MAPK9: variants seen among roughly 807,000 people sequenced by gnomAD.
MAPK9 encodes the protein Jun kinase.
Under a neutral mutation model 57.1 loss-of-function variants are expected in MAPK9, and 30 were observed. The observed-to-expected ratio is 0.53, with a 90% CI of 0.39 to 0.71. The LOEUF (loss-of-function observed/expected upper bound fraction) is 0.71. MAPK9 is among the 30% of genes least tolerant of loss of function. MAPK9 has a pLI of 0.00. For missense variants in MAPK9, 362 were observed against 521.0 expected (o/e 0.69, Z 2.97); for synonymous variants, 155 against 177.0 (o/e 0.88, Z 0.99).
At chr5:180,267,690 C>A (rs72823780) in intron 3 of MAPK9, among the ~76,000 whole-genome samples, 2 of 151,852 alleles carry the variant, frequency 1.3e-5, no homozygotes, top group African/African-American at 4.8e-5. Flanking sequence ...GGTGGTAAGA[C>A]CCCACCTCTA....
intron 5 of MAPK9, among the ~76,000 whole-genome samples, chr5:180,252,096 G>C (rs1342880112): frequency 6.6e-6 from 1 of 152,162 alleles, no homozygotes; most frequent in Non-Finnish European, 1.5e-5. Flanking sequence ...GTGGGGTCAG[G>C]GGTCAGGGGT....
chr5:180,271,039 G>C (rs1761255872), intron 2 of MAPK9, among the ~76,000 whole-genome samples: 1 of 148,774 alleles, frequency 6.7e-6, no homozygotes, highest in Non-Finnish European at 1.5e-5. Context: ...AAATTGATGA[G>C]AGTAGATTTG....
chr5:180,241,283 T>A, intron 8 of MAPK9, 128 bp from the exon 9 acceptor site: 2 of 1,014,686 alleles, frequency 2.0e-6, no homozygotes, highest in South Asian at 1.9e-5. Context: ...TTTGATAGGT[T>A]CAAGATGAAT....
intron 2 of MAPK9, among the ~76,000 whole-genome samples, chr5:180,273,912 C>T (rs1455580341): frequency 1.3e-5 from 2 of 152,172 alleles, no homozygotes; most frequent in Non-Finnish European, 2.9e-5. Context: ...TTCCTCCCTT[C>T]TTAATGGGTG....
At chr5:180,288,224 G>A (rs1762940510) in intron 1 of MAPK9, among the ~76,000 whole-genome samples, 1 of 152,162 alleles carries the variant, frequency 6.6e-6, no homozygotes, top group South Asian at 2.1e-4. Context: ...ACACTGCAGA[G>A]ATGCAATCAA....
intron 2 of MAPK9, among the ~76,000 whole-genome samples, chr5:180,271,032 T>C (rs762059338): frequency 4.6e-5 from 7 of 151,900 alleles, no homozygotes; most frequent in East Asian, 1.9e-4. Context: ...TTCTTGAAAA[T>C]TGATGAGAGT....
intron 1 of MAPK9, among the ~76,000 whole-genome samples, chr5:180,281,157 T>C (rs1762283243): frequency 6.6e-6 from 1 of 152,258 alleles, no homozygotes; most frequent in Non-Finnish European, 1.5e-5. Context: ...GTGTGCTGCA[T>C]GTGCCCAAGC....
rs1757077951 is a variant in MAPK9, at chr5:180,234,966, T to A, written c.*1418A>T. 1 of 152,096 alleles carries A rather than the reference T, an allele frequency of 6.6e-6. No homozygotes were observed. 9.4% of individuals were successfully genotyped at this position (152,096 alleles called of 1,614,324 possible). A position where few individuals can be genotyped will look rare whatever the true frequency, so the allele number is the denominator to read the frequency against. ...AAAATAATTGAACACAAGATATGAATCAGCAACAGAATAAGCTCAAGGGAA... is the reference window on the plus strand; with the variant it reads ...AAAATAATTGAACACAAGATATGAAACAGCAACAGAATAAGCTCAAGGGAA... On this transcript the variant is annotated 3_prime_UTR_variant, in exon 12 of 12. Coordinates refer to ENST00000452135, the MANE Select transcript of MAPK9 (RefSeq NM_002752.5).
chr5:180,234,562 G>A lies in MAPK9; in HGVS notation c.*1822C>T, dbSNP rs929972606. 2.0e-5 allele frequency: 3 copies of A among 152,336 alleles called. No individual in the cohort carries two copies. The highest frequency in any genetic ancestry group is 4.8e-5 in the African/African-American group (2 of 41,572). The allele number at this position is 152,336 out of a possible 1,614,324, so 9.4% of individuals were successfully genotyped here. ...AGCATCACACAGTGCAGGGCAGCTC[G>A]CGCATTTTCAACCTCTCCCTTTTGT... is the stretch of plus-strand genomic sequence containing the variant. On this transcript the variant is annotated 3_prime_UTR_variant, in exon 12 of 12. Coordinates refer to ENST00000452135, the MANE Select transcript of MAPK9 (RefSeq NM_002752.5).
rs1761026324 is a variant in MAPK9 at position 180,269,263 on chromosome 5, A to G, written c.252+17T>C. 1.9e-6 allele frequency: 3 copies of G among 1,611,036 alleles called. No individual in the cohort carries two copies. The South Asian group carries it at 3.3e-5, about 18-fold the overall frequency. On this transcript the variant is annotated intron_variant, in intron 3 of 11. Transcript: ENST00000452135. ...GACAATATGGAAGCACACAGACAAA[A>G]TACATACATAACTTACATTTTTATG...
At chr5:180,278,498 G>A (rs576692698) in intron 2 of MAPK9, among the ~76,000 whole-genome samples, 2 of 152,274 alleles carry the variant, frequency 1.3e-5, no homozygotes, top group Admixed American at 6.5e-5. Flanking sequence ...TCAAGAGATC[G>A]AGACCATCCT....
intron 1 of MAPK9, among the ~76,000 whole-genome samples, chr5:180,286,054 T>C (rs1186858174): frequency 2.8e-5 from 4 of 141,936 alleles, no homozygotes; most frequent in Non-Finnish European, 4.6e-5. Context: ...CACTCCAGCC[T>C]GGGCGACAGA....
At chr5:180,242,513 A>G in intron 8 of MAPK9, 60 bp downstream of exon 8, 1 of 1,464,176 alleles carries the variant, frequency 6.8e-7, no homozygotes, top group Non-Finnish European at 9.3e-7. Context: ...ACAAACATGA[A>G]AGAGTGAAAG....
At chr5:180,281,718 G>A (rs1262645916) in intron 1 of MAPK9, among the ~76,000 whole-genome samples, 1 of 152,104 alleles carries the variant, frequency 6.6e-6, no homozygotes, top group East Asian at 1.9e-4. Flanking sequence ...GGAAAAAATG[G>A]ATTAATAACA....
chr5:180,273,808 G>A (rs1055637404), intron 2 of MAPK9, among the ~76,000 whole-genome samples: 1 of 152,168 alleles, frequency 6.6e-6, no homozygotes, highest in Non-Finnish European at 1.5e-5. Context: ...GCATGACTCT[G>A]TTTCAGGGCT....
At chr5:180,267,953 C>A (rs756774480) in intron 3 of MAPK9, among the ~76,000 whole-genome samples, 3 of 152,096 alleles carry the variant, frequency 2.0e-5, no homozygotes, top group Non-Finnish European at 4.4e-5. Context: ...AGCTCTGCCT[C>A]CCGGGTTCAT....
intron 5 of MAPK9, among the ~76,000 whole-genome samples, chr5:180,260,323 T>C (rs1232093337): frequency 6.6e-6 from 1 of 152,216 alleles, no homozygotes; most frequent in Non-Finnish European, 1.5e-5. Context: ...ATCTAAACCC[T>C]AGTAGTTTGC....
intron 1 of MAPK9, among the ~76,000 whole-genome samples, chr5:180,288,865 A>T (rs1223605565): frequency 6.6e-6 from 1 of 152,242 alleles, no homozygotes; most frequent in Non-Finnish European, 1.5e-5. Flanking sequence ...ATTGGTCAGG[A>T]GTTAATAACT....
chr5:180,279,626 G>A (rs937109807), intron 2 of MAPK9, among the ~76,000 whole-genome samples: 2 of 151,748 alleles, frequency 1.3e-5, no homozygotes, highest in African/African-American at 2.4e-5. Flanking sequence ...GTAAACACGC[G>A]ATGTTTAACT....
Sources: gnomAD v4.1 joint callset for allele counts (sites outside exome capture counted in the v4.1 genomes callset) on GRCh38, gnomAD v4.1.1 for gene constraint, MANE v1.5 for transcripts, NCBI Gene and HGNC (gene_info 2026-07-23, HGNC 2026-07-21) for gene names.